EIF1AD: variants seen among roughly 807,000 people sequenced by gnomAD.
The protein encoded by EIF1AD is probable RNA-binding protein EIF1AD.
EIF1AD carries 9 observed loss-of-function variants against 21.7 expected under a neutral mutation model. That is an observed-to-expected ratio of 0.41 (90% confidence interval 0.25 to 0.72). The LOEUF is 0.72. EIF1AD is among the 30% of genes least tolerant of loss of function. The pLI, the probability that EIF1AD is intolerant of heterozygous loss-of-function variation, is 0.29. For missense variants in EIF1AD, 164 were observed against 199.7 expected (o/e 0.82, Z 1.08); for synonymous variants, 78 against 70.9 (o/e 1.10, Z -0.50).
rs1039616514 is a variant in EIF1AD, at chr11:66,000,506, C to T, written c.-116-1G>A. 7.7e-5 allele frequency: 73 copies of T among 948,250 alleles called. No individual in the cohort carries two copies. The highest frequency in any genetic ancestry group is 4.3e-5 in the Admixed American group (2 of 46,134). 58.7% of individuals were successfully genotyped at this position (948,250 alleles called of 1,614,324 possible). On this transcript the variant is annotated splice_acceptor_variant, in intron 1 of 5. Coordinates refer to ENST00000533544, the MANE Select transcript of EIF1AD (RefSeq NM_001242481.2). LOFTEE classifies it low-confidence loss of function (5UTR_SPLICE). ...TCTGAAGATGGGGAGGGGCCTTTTA[C>T]TGAGGGGTGACACGGTGTCTTGGTT...
In EIF1AD at chr11:66,000,104, A is replaced by G. The variant is rs762507325; in HGVS notation, c.145T>C (p.Phe49Leu). Reference sequence around the variant, plus strand: ...TATTTGGAGGGCATGCTCACCAGGAAGCGCTGCCCTTGGGCTGTCTCCACC... The same window carrying G: ...TATTTGGAGGGCATGCTCACCAGGAGGCGCTGCCCTTGGGCTGTCTCCACC... ...HEVETAQGQR[F>L]LVSMPSKYRK... The change falls in exon 3 of 6, where the codon TTC becomes CTC. Residue 49 changes from phenylalanine (F) to leucine (L), a missense_variant. Coordinates refer to ENST00000533544, the MANE Select transcript of EIF1AD (RefSeq NM_001242481.2). 6.2e-7 allele frequency: 1 copy of G among 1,614,164 alleles called. No homozygotes were observed.
At position 66,000,154 on chromosome 11, in the gene EIF1AD, C is replaced by T. The variant is rs2134958102; in HGVS notation, c.95G>A (p.Arg32Lys). 1.9e-6 allele frequency: 3 copies of T among 1,613,954 alleles called. No homozygotes were observed. The East Asian group carries it at 6.7e-5, about 36-fold the overall frequency. The change falls in exon 3 of 6, where the codon AGG becomes AAG. Residue 32 changes from arginine to lysine, a missense_variant. Transcript: ENST00000533544. Reference protein sequence around the residue: ...SDQQQIVRVLRTPGNNLHEVE... With the variant: ...SDQQQIVRVLKTPGNNLHEVE... ...CTCATGCAGATTGTTCCCTGGGGTCCTGAGTACCTGGTTCAGGAGAGACCA... is the reference window on the plus strand; with the variant it reads ...CTCATGCAGATTGTTCCCTGGGGTCTTGAGTACCTGGTTCAGGAGAGACCA...
Position 66,000,399 on chromosome 11 carries a change from G to T in EIF1AD, c.-10C>A. The T allele has an allele frequency of 6.3e-7, 1 of 1,599,498 alleles. No individual in the cohort carries two copies. On this transcript the variant is annotated 5_prime_UTR_variant, in exon 2 of 6. Coordinates refer to ENST00000533544, the MANE Select transcript of EIF1AD (RefSeq NM_001242481.2). ...TGGTGGCCTGAGACATGCTGAAGTC[G>T]TCCCACACTGGTTAGGAACGAAGAG...
chr11:65,999,499 C>A, intron 4 of EIF1AD, 68 bp downstream of exon 4: 1 of 1,600,520 alleles, frequency 6.2e-7, no homozygotes, highest in African/African-American at 1.3e-5. Flanking sequence ...CTTCCCTCCC[C>A]TAATTCCCAA....
chr11:65,999,726 A>C, intron 3 of EIF1AD, 51 bp from the exon 4 acceptor site: 1 of 1,341,324 alleles, frequency 7.5e-7, no homozygotes, highest in Non-Finnish European at 1.1e-6. Context: ...CAATAAGGAA[A>C]GCCAAAGCCA....
At chr11:66,001,035 G>A (rs954685137) in intron 1 of EIF1AD, among the ~76,000 whole-genome samples, 1 of 151,940 alleles carries the variant, frequency 6.6e-6, no homozygotes, top group African/African-American at 2.4e-5. Flanking sequence ...TTTCTTTTTC[G>A]GGGAGCTCGG....
At position 65,998,651 on chromosome 11, in the gene EIF1AD, C is replaced by A. The variant is rs767908582; in HGVS notation, c.446G>T (p.Arg149Leu). Reference sequence around the variant, plus strand: ...CTCCTCACTCTCATGATACTGTCTGCGGTTTGTGTTAACAAACAGGTCAGA... The same window carrying A: ...CTCCTCACTCTCATGATACTGTCTGAGGTTTGTGTTAACAAACAGGTCAGA... ...DDSDLFVNTN[R>L]RQYHESEEES... The change falls in exon 6 of 6, where the codon CGC becomes CTC. Residue 149 changes from arginine to leucine, a missense_variant. Arg to Leu is a moderately radical substitution (Grantham distance 102). Coordinates refer to ENST00000533544, the MANE Select transcript of EIF1AD (RefSeq NM_001242481.2). 4 of 1,613,994 alleles carry A rather than the reference C, an allele frequency of 2.5e-6. No individual in the cohort carries two copies. Among genetic ancestry groups the A allele is most frequent in the African/African-American group, 2.7e-5 (2 of 74,882 alleles).
At position 65,998,530 on chromosome 11, in the gene EIF1AD, T is replaced by C. The variant is rs937684527; in HGVS notation, c.*69A>G. 96 of 1,579,902 alleles carry C rather than the reference T, an allele frequency of 6.1e-5. No individual in the cohort carries two copies. The highest frequency in any genetic ancestry group is 7.7e-5 in the Non-Finnish European group (90 of 1,161,518). On this transcript the variant is annotated 3_prime_UTR_variant, in exon 6 of 6. Coordinates refer to ENST00000533544, the MANE Select transcript of EIF1AD (RefSeq NM_001242481.2). ...AGGGGTGAAGATGTGCAGAGCACCC[T>C]GGGAATGTCCAAGCCCAGAAGAGCC...
At chr11:65,999,514 G>A in intron 4 of EIF1AD, 53 bp downstream of exon 4, 2 of 1,594,118 alleles carry the variant, frequency 1.3e-6, no homozygotes, top group Non-Finnish European at 8.6e-7. Flanking sequence ...TCCCAAGCTA[G>A]GAAGGCAATG....
chr11:66,001,565 C>A (rs1465815488), intron 1 of EIF1AD, among the ~76,000 whole-genome samples: 1 of 151,340 alleles, frequency 6.6e-6, no homozygotes, highest in Non-Finnish European at 1.5e-5. Context: ...ATCCTGGCAA[C>A]CTCTCTGGAA....
In EIF1AD at chr11:65,999,584, CAG is replaced by C; in HGVS notation, c.286_287del (p.Leu96AlafsTer8). 1 of 1,613,714 alleles carries C rather than the reference CAG, an allele frequency of 6.2e-7. No individual in the cohort carries two copies. Among genetic ancestry groups the C allele is most frequent in the South Asian group, 1.1e-5 (1 of 91,062 alleles). ...CCACCTACCAAAACCCCTCCTTCTGCAGAGAGCGCACGTGGTCCTTGCAGAGC... is the reference window on the plus strand; with the variant it reads ...CCACCTACCAAAACCCCTCCTTCTGCAGAGCGCACGTGGTCCTTGCAGAGC... Reference protein sequence around the residue: ...FVLCKDHVRSLQKEGFWPEAF... With the variant: ...FVLCKDHVRSXQKEGFWPEAF... On this transcript the variant is annotated frameshift_variant, in exon 4 of 6. Coordinates refer to ENST00000533544, the MANE Select transcript of EIF1AD (RefSeq NM_001242481.2). LOFTEE classifies it high-confidence loss of function.
chr11:66,001,360 T>TA (rs1855953556), intron 1 of EIF1AD, among the ~76,000 whole-genome samples: 1 of 149,884 alleles, frequency 6.7e-6, no homozygotes, highest in Non-Finnish European at 1.5e-5. Flanking sequence ...TAGTCCCAGC[T>TA]ACCCGGGAGG....
Position 65,998,524 on chromosome 11 carries a change from G to A in EIF1AD, c.*75C>T. 1 of 1,558,576 alleles carries A rather than the reference G, an allele frequency of 6.4e-7. No individual in the cohort carries two copies. On this transcript the variant is annotated 3_prime_UTR_variant, in exon 6 of 6. Transcript: ENST00000533544. The stretch of plus-strand genomic sequence containing the variant: ...TCATGCAGGGGTGAAGATGTGCAGA[G>A]CACCCTGGGAATGTCCAAGCCCAGA...
At chr11:66,000,658 A>G (rs1254002472) in intron 1 of EIF1AD, 153 bp from the exon 2 acceptor site, 3 of 387,628 alleles carry the variant, frequency 7.7e-6, no homozygotes, top group South Asian at 7.7e-5. Flanking sequence ...GTATGGTATG[A>G]GGCCACCACT....
chr11:66,001,028 C>A (rs1412541157), intron 1 of EIF1AD, among the ~76,000 whole-genome samples: 2 of 152,112 alleles, frequency 1.3e-5, no homozygotes, highest in Non-Finnish European at 2.9e-5. Context: ...CTAGGAATTT[C>A]TTTTTCGGGG....
At chr11:65,999,222 A>C in intron 5 of EIF1AD, 128 bp downstream of exon 5, 1 of 1,278,686 alleles carries the variant, frequency 7.8e-7, no homozygotes, top group East Asian at 2.3e-5. Context: ...ACCATGTTAT[A>C]CCACATGCTT....
chr11:65,999,518 G>A, intron 4 of EIF1AD, 49 bp downstream of exon 4: 1 of 1,594,896 alleles, frequency 6.3e-7, no homozygotes. Context: ...AAGCTAGGAA[G>A]GCAATGCCTC....
chr11:66,001,313 A>T (rs114064754), intron 1 of EIF1AD, among the ~76,000 whole-genome samples: 238 of 152,080 alleles, frequency 1.6e-3, no homozygotes, highest in African/African-American at 5.6e-3. Context: ...CTCTACAAAA[A>T]TACAAAAAAT....
At position 65,998,311 on chromosome 11, in the gene EIF1AD, T is replaced by C. The variant is rs888646211; in HGVS notation, c.*288A>G. 3 of 241,576 alleles carry C rather than the reference T, an allele frequency of 1.2e-5. No homozygotes were observed. The highest frequency in any genetic ancestry group is 1.3e-3 in the Middle Eastern group (1 of 762). 15.0% of individuals were successfully genotyped at this position (241,576 alleles called of 1,614,324 possible). ...AACCACCTGGGAAAGACTCCAGCCA[T>C]TTCCCATTTCCTCCCCATTCAGCCC... On this transcript the variant is annotated 3_prime_UTR_variant, in exon 6 of 6. Transcript: ENST00000533544.
Sources: allele counts gnomAD v4.1 joint callset (sites outside exome capture counted in the v4.1 genomes callset), GRCh38; gene constraint gnomAD v4.1.1; transcripts MANE v1.5; gene names NCBI Gene and HGNC (gene_info 2026-07-23, HGNC 2026-07-21).